TEX15: variants seen among roughly 807,000 people sequenced by gnomAD.
TEX15 encodes testis expressed 15, meiosis and synapsis associated.
A neutral mutation model predicts 237.3 loss-of-function variants in TEX15; 171 were observed. The observed-to-expected ratio is 0.72, with a 90% confidence interval of 0.64 to 0.82. The LOEUF (loss-of-function observed/expected upper bound fraction) is 0.82, where lower values mean the gene tolerates loss of function less well. Ranked by LOEUF, TEX15 falls within the 40% of genes least tolerant of loss-of-function variation. The probability of loss-of-function intolerance (pLI) is 0.00; values close to 1 mark genes in which losing one functional copy is unlikely to be tolerated. For missense variants in TEX15, 3,750 were observed against 3,646.5 expected (o/e 1.03, Z -0.73); for synonymous variants, 1,338 against 1,269.8 (o/e 1.05, Z -1.14).
chr8:30,850,884 T>C (rs991742140), intron 7 of TEX15, among the ~76,000 whole-genome samples: 2 of 151,866 alleles, frequency 1.3e-5, no homozygotes, highest in Non-Finnish European at 2.9e-5. Context: ...ATAGGTAAAA[T>C]TGTCAACAAA....
At chr8:30,863,960 GAA>G (rs36024087) in intron 5 of TEX15, among the ~76,000 whole-genome samples, 12 of 150,106 alleles carry the variant, frequency 8.0e-5, no homozygotes, top group Admixed American at 1.3e-4. Flanking sequence ...CCATTCAAAG[GAA>G]AAAAAAAACA....
At chr8:30,834,531 G>GC (rs1807249855) in intron 10 of TEX15, among the ~76,000 whole-genome samples, 1 of 152,132 alleles carries the variant, frequency 6.6e-6, no homozygotes, top group East Asian at 1.9e-4. Context: ...CTAGCCCTGT[G>GC]TAAAGTCATT....
chr8:30,851,445 C>A (rs1462413362), intron 7 of TEX15, among the ~76,000 whole-genome samples: 1 of 152,072 alleles, frequency 6.6e-6, no homozygotes, highest in East Asian at 1.9e-4. Flanking sequence ...GCCTGGCCAA[C>A]ATGGTGAAAC....
At chr8:30,866,059 A>T (rs759493550) in intron 5 of TEX15, among the ~76,000 whole-genome samples, 3 of 152,256 alleles carry the variant, frequency 2.0e-5, no homozygotes, top group Middle Eastern at 3.4e-3. Context: ...TCATTAAAAA[A>T]ACCCTCTTAG....
In TEX15 at chr8:30,847,857, G is replaced by A; in HGVS notation, c.2310C>T (p.Asp770=). ...IITEAFPKPK[D]IPQAKEMFID... ...TGAACATTTCTTTGGCCTGGGGTAT[G>A]TCTTTTGGTTTCGGGAAAGCTTCAG... The change falls in exon 8 of 11, where the codon GAC becomes GAT. Residue 770 remains aspartate (D), a synonymous_variant. Transcript: ENST00000643185. 6.2e-7 allele frequency: 1 copy of A among 1,613,884 alleles called. No homozygotes were observed. Among genetic ancestry groups the A allele is most frequent in the Non-Finnish European group, 8.5e-7 (1 of 1,179,950 alleles).
At chr8:30,870,358 G>A (rs1049382260) in intron 4 of TEX15, among the ~76,000 whole-genome samples, 3 of 151,930 alleles carry the variant, frequency 2.0e-5, no homozygotes, top group Non-Finnish European at 4.4e-5. Flanking sequence ...GAATGCCTAT[G>A]TCATAGTTAA....
At position 30,836,731 on chromosome 8, in the gene TEX15, A is replaced by T. The variant is rs1364725300; in HGVS notation, c.9481+72T>A. The T allele has an allele frequency of 3.0e-6, 4 of 1,341,338 alleles. No individual in the cohort carries two copies. In the Admixed American group the frequency reaches 8.9e-5, roughly 30 times the overall value. 83.1% of individuals were successfully genotyped at this position (1,341,338 alleles called of 1,614,324 possible). A position where few individuals can be genotyped will look rare whatever the true frequency, so the allele number is the denominator to read the frequency against. On this transcript the variant is annotated intron_variant, in intron 10 of 10. Coordinates refer to ENST00000643185, the MANE Select transcript of TEX15 (RefSeq NM_001350162.2). ...CCCTCTAACTCATCACTTACTGTGA[A>T]TTTCACTTACATAAATGGACACAGT...
Position 30,839,967 on chromosome 8 carries a change from G to A in TEX15, c.8164-3C>T. 6.4e-7 allele frequency: 1 copy of A among 1,570,138 alleles called. No individual in the cohort carries two copies. The highest frequency in any genetic ancestry group is 1.4e-5 in the African/African-American group (1 of 73,736). ...TTTGTGACATCTTTCATGTCTACCT[G>A]TGTTTAAAAGATACAAAGAAAATCT... On this transcript the variant is annotated splice_polypyrimidine_tract_variant and splice_region_variant and intron_variant, in intron 8 of 10. Coordinates refer to ENST00000643185, the MANE Select transcript of TEX15 (RefSeq NM_001350162.2).
In TEX15 at chr8:30,848,574, T is replaced by C. The variant is rs752308201; in HGVS notation, c.1593A>G (p.Gln531=). The C allele has an allele frequency of 1.2e-6, 2 of 1,614,146 alleles. No homozygotes were observed. The highest frequency in any genetic ancestry group is 8.5e-7 in the Non-Finnish European group (1 of 1,180,006). Residue 531 remains glutamine, a synonymous_variant, in exon 8 of 11, where the codon CAA becomes CAG. Transcript: ENST00000643185. The part of the protein sequence containing the change: ...IPPNKVTMAG[Q]CKDQGNFSFP... Reference sequence around the variant, plus strand: ...AGGAAAAATTACCTTGGTCCTTACATTGCCCTGCCATGGTAACTTTATTGG... The same window carrying C: ...AGGAAAAATTACCTTGGTCCTTACACTGCCCTGCCATGGTAACTTTATTGG...
chr8:30,850,990 T>C lies in TEX15; in HGVS notation c.851-1674A>G, dbSNP rs556826470. ...AAATTTGAAAGAATGATTAATACTA[T>C]ACAAATGTAAGCACTTTTTAATATG... On this transcript the variant is annotated intron_variant, in intron 7 of 10. Transcript: ENST00000643185. Among the ~76,000 whole-genome samples the C allele has an allele frequency of 1.4e-4, 21 of 152,282 alleles. No homozygotes were observed. The South Asian group carries it at 3.9e-3, about 29-fold the overall frequency.
Position 30,839,886 on chromosome 8 carries a change from G to C in TEX15, c.8222+20C>G, listed in dbSNP as rs779338396. The C allele has an allele frequency of 6.3e-7, 1 of 1,578,026 alleles. No individual in the cohort carries two copies. Among genetic ancestry groups the C allele is most frequent in the Non-Finnish European group, 8.6e-7 (1 of 1,162,832 alleles). On this transcript the variant is annotated intron_variant, in intron 9 of 10. Coordinates refer to ENST00000643185, the MANE Select transcript of TEX15 (RefSeq NM_001350162.2). Reference sequence around the variant, plus strand: ...TTTTGTTCAATTTTTTTTCCACATAGGGCTGATGGGAACTCCTACCTTGGA... The same window carrying C: ...TTTTGTTCAATTTTTTTTCCACATACGGCTGATGGGAACTCCTACCTTGGA...
chr8:30,901,427 GT>G (rs775441594), intron 1 of TEX15, among the ~76,000 whole-genome samples: 13 of 152,152 alleles, frequency 8.5e-5, no homozygotes, highest in Non-Finnish European at 1.2e-4. Flanking sequence ...AGTTTCATCT[GT>G]TTTCAATCTC....
chr8:30,854,982 G>C (rs1266821398), intron 7 of TEX15, among the ~76,000 whole-genome samples: 1 of 152,036 alleles, frequency 6.6e-6, no homozygotes, highest in Non-Finnish European at 1.5e-5. Flanking sequence ...ACATGATAAA[G>C]AGCTTCTATA....
At chr8:30,866,310 G>A (rs533291886) in intron 5 of TEX15, among the ~76,000 whole-genome samples, 96 of 150,808 alleles carry the variant, frequency 6.4e-4, no homozygotes, top group South Asian at 1.1e-3. Context: ...AGGAGAAAAG[G>A]CAGAAAGGAC....
chr8:30,901,744 G>A (rs1425690958), intron 1 of TEX15, among the ~76,000 whole-genome samples: 1 of 152,168 alleles, frequency 6.6e-6, no homozygotes, highest in Non-Finnish European at 1.5e-5. Context: ...CAATTATTTA[G>A]ACAAGTAAGT....
chr8:30,850,695 A>G (rs16877417), intron 7 of TEX15, among the ~76,000 whole-genome samples: 20,601 of 152,128 alleles, frequency 0.14, 2,422 homozygotes, highest in African/African-American at 0.32. Flanking sequence ...GCTATTTAAA[A>G]AACTCCATAA....
At position 30,849,118 on chromosome 8, in the gene TEX15, T is replaced by C; in HGVS notation, c.1049A>G (p.Asn350Ser). The C allele has an allele frequency of 6.2e-7, 1 of 1,603,628 alleles. No homozygotes were observed. The highest frequency in any genetic ancestry group is 8.5e-7 in the Non-Finnish European group (1 of 1,175,128). Residue 350 changes from asparagine (N) to serine (S), a missense_variant, in exon 8 of 11, where the codon AAC becomes AGC. Transcript: ENST00000643185. ...SNSYGNVQNG[N>S]ISIPETYSGQ... ...ACTGTATGTTTCAGGTATAGAAATG[T>C]TTCCATTTTGTACATTTCCATAGGA...
Position 30,837,419 on chromosome 8 carries a change from C to T in TEX15, c.8865G>A (p.Gln2955=). Residue 2955 remains glutamine (Q), a synonymous_variant, in exon 10 of 11, where the codon CAG becomes CAA. Coordinates refer to ENST00000643185, the MANE Select transcript of TEX15 (RefSeq NM_001350162.2). ...KIPTLQINKL[Q]PTETESEDKY... ...TGTCCTCTGACTCAGTTTCTGTAGG[C>T]TGTAGTTTGTTTATCTGCAGAGTAG... The T allele has an allele frequency of 6.2e-7, 1 of 1,614,136 alleles. No homozygotes were observed. The highest frequency in any genetic ancestry group is 8.5e-7 in the Non-Finnish European group (1 of 1,180,016).
At chr8:30,909,624 C>G (rs989060287) in intron 1 of TEX15, among the ~76,000 whole-genome samples, 2 of 152,044 alleles carry the variant, frequency 1.3e-5, no homozygotes, top group African/African-American at 4.8e-5. Flanking sequence ...TGTGAGTTTA[C>G]CTCCCTTTGT....
Sources: allele counts gnomAD v4.1 joint callset (sites outside exome capture counted in the v4.1 genomes callset), GRCh38; gene constraint gnomAD v4.1.1; transcripts MANE v1.5; gene names NCBI Gene and HGNC (gene_info 2026-07-23, HGNC 2026-07-21).